The following GNAO1 variants were observed in gnomAD, a reference collection of about 807,000 sequenced individuals.
GNAO1 encodes G protein subunit alpha o1.
For synonymous variants in GNAO1, 164 were observed against 180.7 expected (o/e 0.91, Z 0.74); for missense variants, 166 against 478.7 (o/e 0.35, Z 6.10).
At chr16:56,298,449 G>A (rs1392052707) in intron 3 of GNAO1, among the ~76,000 whole-genome samples, 7 of 152,124 alleles carry the variant, frequency 4.6e-5, no homozygotes, top group African/African-American at 1.7e-4. Context: ...CACACGTGGG[G>A]CATATATGCC....
chr16:56,219,568 A>G (rs1471318216), intron 2 of GNAO1, among the ~76,000 whole-genome samples: 1 of 152,066 alleles, frequency 6.6e-6, no homozygotes, highest in Non-Finnish European at 1.5e-5. Flanking sequence ...TGTATCCTTC[A>G]CCTACCCTCT....
chr16:56,234,496 G>A (rs80335080), intron 2 of GNAO1, among the ~76,000 whole-genome samples: 146 of 152,394 alleles, frequency 9.6e-4, no homozygotes, highest in African/African-American at 2.7e-3. Flanking sequence ...AGCCAGGCCT[G>A]CAGTTCCTCA....
chr16:56,210,546 C>T (rs532655682), intron 2 of GNAO1, among the ~76,000 whole-genome samples: 39 of 152,330 alleles, frequency 2.6e-4, no homozygotes, highest in Middle Eastern at 3.4e-3. Flanking sequence ...GCAACAAATG[C>T]GAGTTCCTGT....
chr16:56,247,176 A>G (rs756399118), intron 2 of GNAO1, among the ~76,000 whole-genome samples: 74 of 152,170 alleles, frequency 4.9e-4, no homozygotes, highest in Non-Finnish European at 1.0e-3. Context: ...AGCAGAGCAC[A>G]TGGGCTGGCG....
intron 3 of GNAO1, among the ~76,000 whole-genome samples, chr16:56,320,331 AGCGCAG>A (rs1274263317): frequency 4.6e-5 from 7 of 152,134 alleles, no homozygotes; most frequent in African/African-American, 1.7e-4. Flanking sequence ...GGTGGACAGC[AGCGCAG>A]CCCACCCCTC....
intron 3 of GNAO1, among the ~76,000 whole-genome samples, chr16:56,287,399 T>A (rs1474183934): frequency 6.6e-6 from 1 of 152,248 alleles, no homozygotes; most frequent in Non-Finnish European, 1.5e-5. Flanking sequence ...GACTTAGCAC[T>A]AGTCACCTGA....
intron 3 of GNAO1, among the ~76,000 whole-genome samples, chr16:56,315,656 C>G (rs1425186487): frequency 1.3e-5 from 2 of 152,122 alleles, no homozygotes; most frequent in African/African-American, 2.4e-5. Flanking sequence ...TTTGGACAGA[C>G]AGCGTCCCCA....
chr16:56,308,789 G>A (rs563263350), intron 3 of GNAO1, among the ~76,000 whole-genome samples: 1 of 152,222 alleles, frequency 6.6e-6, no homozygotes, highest in South Asian at 2.1e-4. Flanking sequence ...TGATGGAGAG[G>A]GCACTGCGAG....
intron 3 of GNAO1, among the ~76,000 whole-genome samples, chr16:56,278,751 A>C (rs3790090): frequency 0.035 from 5,402 of 152,254 alleles, 227 homozygotes; most frequent in South Asian, 0.1. Context: ...GGAGCAGATA[A>C]TTCAGAGTGG....
chr16:56,229,514 G>A (rs1364772161), intron 2 of GNAO1, among the ~76,000 whole-genome samples: 1 of 152,078 alleles, frequency 6.6e-6, no homozygotes, highest in East Asian at 1.9e-4. Flanking sequence ...TGCCCCCATT[G>A]TTGTTTTTAC....
At chr16:56,345,404 G>A in intron 6 of GNAO1, 4 of 985,752 alleles carry the variant, frequency 4.1e-6, no homozygotes, top group Non-Finnish European at 4.8e-6. Flanking sequence ...GCCAGGCAGG[G>A]CCCCTGGGTT....
At chr16:56,328,252 AG>A (rs1398415303) in intron 3 of GNAO1, among the ~76,000 whole-genome samples, 1 of 152,228 alleles carries the variant, frequency 6.6e-6, no homozygotes, top group Non-Finnish European at 1.5e-5. Flanking sequence ...TCAGGATGAA[AG>A]CAGAGCTGCT....
At chr16:56,238,708 A>G (rs2036665341) in intron 2 of GNAO1, among the ~76,000 whole-genome samples, 1 of 152,248 alleles carries the variant, frequency 6.6e-6, no homozygotes, top group Non-Finnish European at 1.5e-5. Flanking sequence ...TGCTTCCCAC[A>G]CACGCATTTT....
chr16:56,270,671 AGAT>A (rs2037007813), intron 2 of GNAO1: 1 of 152,176 alleles, frequency 6.6e-6, no homozygotes, highest in African/African-American at 2.4e-5. Flanking sequence ...GTCTTCTGGG[AGAT>A]GATCTCTGAT....
At chr16:56,306,335 C>T (rs115613480) in intron 3 of GNAO1, among the ~76,000 whole-genome samples, 132 of 152,330 alleles carry the variant, frequency 8.7e-4, no homozygotes, top group African/African-American at 3.0e-3. Context: ...GCGGAATCTG[C>T]AGAGTTTAGG....
chr16:56,277,776 TACACACAC>T (rs60891936), intron 3 of GNAO1, among the ~76,000 whole-genome samples: 2,322 of 108,120 alleles, frequency 0.021, 58 homozygotes, highest in East Asian at 0.055. Flanking sequence ...GCACACCCCC[TACACACAC>T]ACACACACAC....
intron 3 of GNAO1, among the ~76,000 whole-genome samples, chr16:56,310,855 G>C (rs1201862136): frequency 6.6e-6 from 1 of 152,150 alleles, no homozygotes; most frequent in African/African-American, 2.4e-5. Flanking sequence ...CCTCCACACA[G>C]TGACTCATGG....
At chr16:56,255,042 CT>C (rs1430552490) in intron 2 of GNAO1, among the ~76,000 whole-genome samples, 4 of 152,180 alleles carry the variant, frequency 2.6e-5, no homozygotes, top group African/African-American at 7.2e-5. Context: ...CCTTGGAACA[CT>C]TTTCCTCCCA....
At chr16:56,347,518 C>G (rs2037882460) in intron 6 of GNAO1, 1 of 985,418 alleles carries the variant, frequency 1.0e-6, no homozygotes, top group East Asian at 1.1e-4. Context: ...CCAGACAGAC[C>G]CCACTGCAGC....
Sources: gnomAD v4.1 joint callset for allele counts (sites outside exome capture counted in the v4.1 genomes callset) on GRCh38, gnomAD v4.1.1 for gene constraint, MANE v1.5 for transcripts, NCBI Gene and HGNC (gene_info 2026-07-23, HGNC 2026-07-21) for gene names.